FBXL13: variants seen among roughly 807,000 people sequenced by gnomAD.
FBXL13 encodes the protein F-box and leucine rich repeat protein 13.
In FBXL13, 67 loss-of-function variants were observed where a neutral mutation model predicts 83.6. The observed-to-expected ratio is 0.80, with a 90% CI of 0.66 to 0.98. The LOEUF (loss-of-function observed/expected upper bound fraction) is 0.98. Ranked by LOEUF, FBXL13 falls within the 50% of genes least tolerant of loss-of-function variation. The pLI is 0.00. For synonymous variants in FBXL13, 272 were observed against 299.5 expected (o/e 0.91, Z 0.95); for missense variants, 822 against 866.5 (o/e 0.95, Z 0.64).
intron 1 of FBXL13, among the ~76,000 whole-genome samples, chr7:103,072,620 C>T (rs574331394): frequency 2.6e-5 from 4 of 152,264 alleles, no homozygotes; most frequent in South Asian, 4.1e-4. Flanking sequence ...CCTGCTCCAC[C>T]GCCATATCAC....
chr7:102,843,524 T>C (rs1156938237), intron 17 of FBXL13, among the ~76,000 whole-genome samples: 1 of 151,702 alleles, frequency 6.6e-6, no homozygotes, highest in African/African-American at 2.4e-5. Flanking sequence ...TCTGTAATCC[T>C]AGCACTTCAG....
chr7:102,951,261 G>A (rs1311083549), intron 8 of FBXL13, among the ~76,000 whole-genome samples: 1 of 151,778 alleles, frequency 6.6e-6, no homozygotes, highest in Non-Finnish European at 1.5e-5. Context: ...GAGGTTAGGA[G>A]ATCAAGACCA....
rs1291419171 is a variant in FBXL13 at position 102,834,089 on chromosome 7, A to AGG, written c.1720-1116_1720-1115insCC. On this transcript the variant is annotated intron_variant, in intron 17 of 19. Coordinates refer to ENST00000313221, the Ensembl canonical transcript of FBXL13. ...GGAAGGAAGGAAGGAAGGAAAGAAA[A>AGG]GAAAGAAAGAAAGAAAGAAAGAAAG... Among the ~76,000 whole-genome samples, 31 of 68,546 alleles carry AGG rather than the reference A, an allele frequency of 4.5e-4. 1 individual carries two copies. The highest frequency in any genetic ancestry group is 1.8e-3 in the African/African-American group (29 of 16,126). The allele number at this position is 68,546 out of a possible 152,430, so 45.0% of individuals were successfully genotyped here. A position where few individuals can be genotyped will look rare whatever the true frequency, so the allele number is the denominator to read the frequency against.
At position 103,020,457 on chromosome 7, in the gene FBXL13, G is replaced by A. The variant is rs570860077; in HGVS notation, c.495+4606C>T. 1.5e-3 allele frequency among the ~76,000 whole-genome samples: 233 copies of A among 152,228 alleles called. 1 individual carries two copies. Among genetic ancestry groups the A allele is most frequent in the Non-Finnish European group, 2.4e-3 (160 of 68,018 alleles). ...TCTCACCACTCCGATTCAACATAGC[G>A]TTGGAAGTTCTGGCCAGGGCAATCA... On this transcript the variant is annotated intron_variant, in intron 6 of 19. Transcript: ENST00000313221.
intron 10 of FBXL13, among the ~76,000 whole-genome samples, chr7:102,919,693 A>C (rs747508829): frequency 3.3e-5 from 5 of 152,242 alleles, no homozygotes; most frequent in Non-Finnish European, 7.3e-5. Flanking sequence ...AGGGTTTTAA[A>C]GATAAAATAC....
exon 20 of FBXL13, chr7:102,813,472 G>A (rs1393632687): frequency 1.2e-6 from 2 of 1,614,048 alleles, no homozygotes; most frequent in Non-Finnish European, 1.7e-6. Flanking sequence ...CCAACGTGGA[G>A]GGTCATTAGT....
chr7:102,904,408 C>CT (rs1244976676), intron 11 of FBXL13, among the ~76,000 whole-genome samples: 1 of 151,148 alleles, frequency 6.6e-6, no homozygotes. Context: ...TTTTTTTATA[C>CT]TTTAATTTCT....
chr7:103,019,537 T>C (rs1010449481), intron 6 of FBXL13, among the ~76,000 whole-genome samples: 6 of 152,130 alleles, frequency 3.9e-5, no homozygotes, highest in Non-Finnish European at 8.8e-5. Flanking sequence ...ATCCAGGAGC[T>C]GGTTTTTTGA....
At chr7:103,040,735 A>G (rs1470505955) in intron 2 of FBXL13, among the ~76,000 whole-genome samples, 1 of 152,204 alleles carries the variant, frequency 6.6e-6, no homozygotes, top group Admixed American at 6.5e-5. Context: ...CTGGCTAAAT[A>G]AATAATAAAA....
chr7:102,876,044 G>A (rs1401930547), intron 16 of FBXL13, among the ~76,000 whole-genome samples: 1 of 152,170 alleles, frequency 6.6e-6, no homozygotes, highest in Non-Finnish European at 1.5e-5. Flanking sequence ...GCAGAGCAAG[G>A]GGAGGGTGAG....
intron 6 of FBXL13, among the ~76,000 whole-genome samples, chr7:103,000,337 C>G (rs191191647): frequency 6.6e-6 from 1 of 152,006 alleles, no homozygotes; most frequent in Admixed American, 6.5e-5. Context: ...AGAGCAAGAC[C>G]CTTACTCTAT....
At chr7:102,869,277 T>A (rs1287471537) in intron 16 of FBXL13, among the ~76,000 whole-genome samples, 2 of 152,242 alleles carry the variant, frequency 1.3e-5, no homozygotes, top group African/African-American at 4.8e-5. Flanking sequence ...TACATGTATG[T>A]CTTCTTTTGA....
intron 19 of FBXL13, among the ~76,000 whole-genome samples, chr7:102,819,954 C>A (rs930066647): frequency 6.6e-6 from 1 of 152,202 alleles, no homozygotes; most frequent in African/African-American, 2.4e-5. Flanking sequence ...GGCCCCCTTA[C>A]AGCTTCTCTA....
intron 6 of FBXL13, chr7:102,975,878 C>A (rs369247046): frequency 6.4e-5 from 47 of 729,008 alleles, no homozygotes; most frequent in African/African-American, 5.9e-4. Flanking sequence ...CAAATGCTTG[C>A]CTCCTCCATC....
intron 8 of FBXL13, among the ~76,000 whole-genome samples, chr7:102,937,499 T>C (rs1245311583): frequency 1.2e-5 from 1 of 86,840 alleles, no homozygotes; most frequent in South Asian, 4.9e-4. Flanking sequence ...AGAGCAAGAC[T>C]CTGTCTCAAA....
chr7:102,961,737 A>C (rs1377968415), intron 8 of FBXL13, among the ~76,000 whole-genome samples: 1 of 145,528 alleles, frequency 6.9e-6, no homozygotes, highest in Non-Finnish European at 1.5e-5. Context: ...CAATGGGGAA[A>C]GGATTCCCTA....
At chr7:102,851,095 T>A (rs1013907442) in intron 17 of FBXL13, among the ~76,000 whole-genome samples, 1 of 152,212 alleles carries the variant, frequency 6.6e-6, no homozygotes, top group African/African-American at 2.4e-5. Flanking sequence ...TTTGGGCCAG[T>A]CATTTAAGCG....
At chr7:102,962,862 C>T (rs537056243) in intron 8 of FBXL13, among the ~76,000 whole-genome samples, 2 of 151,544 alleles carry the variant, frequency 1.3e-5, no homozygotes, top group South Asian at 2.1e-4. Flanking sequence ...GGGATAGCAT[C>T]GGGAGACATA....
intron 6 of FBXL13, among the ~76,000 whole-genome samples, chr7:102,972,899 A>G (rs1826896344): frequency 6.6e-6 from 1 of 151,838 alleles, no homozygotes; most frequent in Admixed American, 6.6e-5. Context: ...GTAGCTATCT[A>G]TTTTCTTTTC....
Sources: allele counts gnomAD v4.1 joint callset (sites outside exome capture counted in the v4.1 genomes callset), GRCh38; gene constraint gnomAD v4.1.1; transcripts MANE v1.5; gene names NCBI Gene and HGNC (gene_info 2026-07-23, HGNC 2026-07-21).